The following HCRTR2 variants were observed in gnomAD, a reference collection of about 807,000 sequenced individuals.
The protein encoded by HCRTR2 is hypocretin receptor 2.
In HCRTR2, 22 loss-of-function variants were observed where a neutral mutation model predicts 49.0. The ratio of observed to expected loss-of-function variants is 0.45; its 90% CI spans 0.32 to 0.64. The LOEUF is 0.64. HCRTR2 is among the 30% of genes least tolerant of loss of function. The pLI is 0.04. For missense variants in HCRTR2, 491 were observed against 559.4 expected (o/e 0.88, Z 1.23); for synonymous variants, 236 against 205.3 (o/e 1.15, Z -1.28).
At chr6:55,114,123 G>T (rs897746525) in intron 1 of HCRTR2, among the ~76,000 whole-genome samples, 1 of 151,722 alleles carries the variant, frequency 6.6e-6, no homozygotes, top group Admixed American at 6.6e-5. Flanking sequence ...AGGAACTTTG[G>T]GGGAAAAGTG....
At chr6:55,225,031 T>A (rs978959705) in intron 1 of HCRTR2, among the ~76,000 whole-genome samples, 1 of 152,214 alleles carries the variant, frequency 6.6e-6, no homozygotes, top group African/African-American at 2.4e-5. Flanking sequence ...CTGATAATTA[T>A]GTGAGGTAAT....
At chr6:55,193,457 C>T (rs1029213122) in intron 1 of HCRTR2, among the ~76,000 whole-genome samples, 2 of 151,906 alleles carry the variant, frequency 1.3e-5, no homozygotes, top group African/African-American at 4.8e-5. Context: ...CCTTTGCTAC[C>T]TTCAGTTTTT....
At chr6:55,119,192 G>A (rs1764161187) in intron 1 of HCRTR2, among the ~76,000 whole-genome samples, 1 of 152,092 alleles carries the variant, frequency 6.6e-6, no homozygotes, top group Non-Finnish European at 1.5e-5. Flanking sequence ...TATCATTGAT[G>A]GGCGTTTGGG....
chr6:55,171,889 A>G (rs1215800392), upstream of HCRTR2, among the ~76,000 whole-genome samples: 3 of 152,204 alleles, frequency 2.0e-5, no homozygotes, highest in East Asian at 5.8e-4. Flanking sequence ...GACTGGGTCC[A>G]TATTTATAGA....
chr6:55,202,348 A>G (rs928277987), intron 1 of HCRTR2, among the ~76,000 whole-genome samples: 1 of 152,210 alleles, frequency 6.6e-6, no homozygotes, highest in Non-Finnish European at 1.5e-5. Flanking sequence ...ACTACCTGTA[A>G]ATACAACCTA....
At chr6:55,156,583 A>G (rs929171000) in intron 1 of HCRTR2, among the ~76,000 whole-genome samples, 2 of 151,834 alleles carry the variant, frequency 1.3e-5, no homozygotes, top group African/African-American at 4.8e-5. Context: ...ACACACACAC[A>G]CACACACAAG....
At chr6:55,111,770 G>A (rs1157397587) in intron 1 of HCRTR2, among the ~76,000 whole-genome samples, 1 of 151,480 alleles carries the variant, frequency 6.6e-6, no homozygotes, top group Non-Finnish European at 1.5e-5. Flanking sequence ...AAAGATAGAG[G>A]AAATCCTCCC....
intron 1 of HCRTR2, among the ~76,000 whole-genome samples, chr6:55,131,544 A>G (rs903185487): frequency 9.9e-5 from 15 of 151,802 alleles, no homozygotes; most frequent in African/African-American, 3.6e-4. Flanking sequence ...TCAAAATTTA[A>G]AGTCATTAAT....
intron 6 of HCRTR2, 28 bp from the exon 7 acceptor site, chr6:55,282,196 CT>C (rs1562033333): frequency 2.6e-6 from 4 of 1,512,388 alleles, no homozygotes; most frequent in Non-Finnish European, 3.7e-6. Context: ...TGTATAATTC[CT>C]TTTCCTTTCA....
chr6:55,261,539 G>C (rs1391503795), intron 3 of HCRTR2, among the ~76,000 whole-genome samples: 2 of 151,944 alleles, frequency 1.3e-5, no homozygotes, highest in Admixed American at 1.3e-4. Context: ...CAAAGTACTG[G>C]GATTACAGAC....
intron 1 of HCRTR2, among the ~76,000 whole-genome samples, chr6:55,194,067 T>C (rs1161230965): frequency 1.3e-5 from 2 of 152,150 alleles, no homozygotes; most frequent in South Asian, 2.1e-4. Flanking sequence ...CCCGTGATCA[T>C]AGATAGTTGA....
chr6:55,188,826 G>T (rs1055309264), intron 1 of HCRTR2, among the ~76,000 whole-genome samples: 5 of 152,108 alleles, frequency 3.3e-5, no homozygotes, highest in African/African-American at 1.2e-4. Context: ...TATAAGAGTT[G>T]GGTTTGACAT....
rs899801324 is a variant in HCRTR2 at position 55,255,376 on chromosome 6, G to A, written c.643G>A (p.Gly215Ser). Residue 215 changes from glycine (G) to serine (S), a missense_variant, in exon 3 of 7, where the codon GGT becomes AGT. Physicochemically the swap from Gly to Ser is moderately conservative, Grantham distance 56. Coordinates refer to ENST00000370862, the MANE Select transcript of HCRTR2 (RefSeq NM_001384272.1). The stretch of plus-strand genomic sequence containing the variant: ...CTTTACGGTGTGTGATGAGCGCTGG[G>A]GTGGTAAGTACCTTATGGCCCATCA... ...TLFTVCDERWGGEIYPKMYHI... is the reference protein window; with the variant it reads ...TLFTVCDERWSGEIYPKMYHI... 1.4e-5 allele frequency: 22 copies of A among 1,613,832 alleles called. No homozygotes were observed. Among genetic ancestry groups the A allele is most frequent in the Non-Finnish European group, 1.9e-5 (22 of 1,179,926 alleles).
chr6:55,143,993 G>A (rs1391011726), intron 1 of HCRTR2, among the ~76,000 whole-genome samples: 1 of 151,504 alleles, frequency 6.6e-6, no homozygotes, highest in Non-Finnish European at 1.5e-5. Flanking sequence ...TATTAGTCAT[G>A]AATCATGTTT....
chr6:55,138,504 G>A (rs916316127), intron 1 of HCRTR2, among the ~76,000 whole-genome samples: 3 of 152,196 alleles, frequency 2.0e-5, no homozygotes, highest in Admixed American at 1.3e-4. Context: ...ATATGCGCAT[G>A]CTGCTTGCCA....
chr6:55,266,479 T>G (rs1464133536), intron 4 of HCRTR2, among the ~76,000 whole-genome samples: 1 of 152,134 alleles, frequency 6.6e-6, no homozygotes, highest in Non-Finnish European at 1.5e-5. Flanking sequence ...GATTAGAATC[T>G]GAAAAATTTC....
At chr6:55,191,282 A>T (rs1765310973) in intron 1 of HCRTR2, among the ~76,000 whole-genome samples, 1 of 152,210 alleles carries the variant, frequency 6.6e-6, no homozygotes, top group South Asian at 2.1e-4. Flanking sequence ...AAAAAAGTAC[A>T]AATCAGAAGT....
At chr6:55,231,760 T>A (rs1766119030) in intron 1 of HCRTR2, among the ~76,000 whole-genome samples, 2 of 152,222 alleles carry the variant, frequency 1.3e-5, no homozygotes, top group African/African-American at 2.4e-5. Context: ...ATGAGCTATT[T>A]TGTTTGACGT....
At chr6:55,143,739 A>G (rs1360464499) in intron 1 of HCRTR2, among the ~76,000 whole-genome samples, 1 of 136,804 alleles carries the variant, frequency 7.3e-6, no homozygotes, top group Non-Finnish European at 1.7e-5. Context: ...TCCATTTAAT[A>G]CATAGAAAAA....
Sources: allele counts gnomAD v4.1 joint callset (sites outside exome capture counted in the v4.1 genomes callset), GRCh38; gene constraint gnomAD v4.1.1; transcripts MANE v1.5; gene names NCBI Gene and HGNC (gene_info 2026-07-23, HGNC 2026-07-21).